Variants in TEX14 observed in about 807,000 individuals in gnomAD.
TEX14 encodes inactive serine/threonine-protein kinase TEX14.
TEX14 carries 168 observed loss-of-function variants against 178.6 expected under a neutral mutation model. That is an observed-to-expected ratio of 0.94 (90% CI 0.83 to 1.07). TEX14 has a LOEUF of 1.07. Among genes scored for constraint, TEX14 ranks in the 50% least tolerant of loss-of-function variants. TEX14 has a pLI of 0.00. For synonymous variants in TEX14, 626 were observed against 634.1 expected (o/e 0.99, Z 0.19); for missense variants, 1,730 against 1,753.6 (o/e 0.99, Z 0.24).
chr17:58,606,010 C>G (rs935412769), intron 10 of TEX14, among the ~76,000 whole-genome samples: 2 of 152,206 alleles, frequency 1.3e-5, no homozygotes, highest in African/African-American at 2.4e-5. Context: ...CAACCCCCAT[C>G]TGCTTTATCA....
At chr17:58,632,510 G>C (rs1370600796) in intron 2 of TEX14, among the ~76,000 whole-genome samples, 1 of 152,180 alleles carries the variant, frequency 6.6e-6, no homozygotes, top group South Asian at 2.1e-4. Context: ...GTTTAAACAA[G>C]CAGGACAACA....
chr17:58,647,231 T>G (rs2046730790), intron 2 of TEX14, among the ~76,000 whole-genome samples: 1 of 150,870 alleles, frequency 6.6e-6, no homozygotes, highest in East Asian at 2.0e-4. Context: ...ACAGAAAAAA[T>G]GGATTCTGCA....
chr17:58,563,760 T>C (rs1032037793), intron 28 of TEX14, among the ~76,000 whole-genome samples: 1 of 145,640 alleles, frequency 6.9e-6, no homozygotes, highest in African/African-American at 2.5e-5. Context: ...TATGTATACA[T>C]ATATATAGAT....
intron 19 of TEX14, among the ~76,000 whole-genome samples, chr17:58,583,331 A>G (rs1355972432): frequency 1.3e-5 from 2 of 151,966 alleles, no homozygotes; most frequent in Non-Finnish European, 2.9e-5. Context: ...GGGTCTTGCC[A>G]TGTTGCCAAG....
chr17:58,601,855 T>A lies in TEX14; in HGVS notation c.1629A>T (p.Glu543Asp). The A allele has an allele frequency of 6.2e-7, 1 of 1,613,444 alleles. No individual in the cohort carries two copies. The highest frequency in any genetic ancestry group is 1.7e-5 in the Admixed American group (1 of 60,022). ...CCATGTCAGGTGTCTCTCTGGGGTG[T>A]TCTGAAGTCAGTCCTAGATAGACAT... ...DVNVYLGLTS[E>D]HPRETPDMEI... is the part of the protein sequence containing the mutation. Residue 543 changes from glutamate (E) to aspartate (D), a missense_variant, in exon 13 of 32, where the codon GAA (glutamate) becomes GAT (aspartate). Physicochemically the swap from Glu to Asp is conservative, Grantham distance 45. Transcript: ENST00000349033.
At chr17:58,628,676 C>T (rs2046207494) in intron 3 of TEX14, among the ~76,000 whole-genome samples, 2 of 151,026 alleles carry the variant, frequency 1.3e-5, no homozygotes, top group African/African-American at 2.4e-5. Flanking sequence ...TGCGCCACTG[C>T]ACTCCAGCCT....
intron 1 of TEX14, among the ~76,000 whole-genome samples, chr17:58,681,313 TGA>T (rs2030315533): frequency 1.3e-5 from 2 of 152,048 alleles, no homozygotes; most frequent in African/African-American, 4.8e-5. Flanking sequence ...AAGCAACAAC[TGA>T]GAACATAGAG....
intron 1 of TEX14, among the ~76,000 whole-genome samples, chr17:58,654,281 C>T (rs1038677301): frequency 6.6e-6 from 1 of 151,774 alleles, no homozygotes; most frequent in African/African-American, 2.4e-5. Flanking sequence ...TTTCTCAGGC[C>T]CTAAAGTCTG....
At chr17:58,604,321 A>G (rs2045552743) in intron 11 of TEX14, among the ~76,000 whole-genome samples, 1 of 150,480 alleles carries the variant, frequency 6.6e-6, no homozygotes, top group Admixed American at 6.6e-5. Flanking sequence ...AAATGCAAAA[A>G]TCAGTTGGGC....
rs149671021 is a variant in TEX14, at chr17:58,646,913, T to G, written c.136+4953A>C. Among the ~76,000 whole-genome samples the G allele has an allele frequency of 9.0e-3, 1,365 of 152,054 alleles. 15 individuals carry two copies. The highest frequency in any genetic ancestry group is 0.014 in the Non-Finnish European group (925 of 67,980). On this transcript the variant is annotated intron_variant, in intron 2 of 31. Coordinates refer to ENST00000349033, the MANE Select transcript of TEX14 (RefSeq NM_031272.5). ...ACTTTCCCCTCAAGCACACTCTTTT[T>G]TTTTTTTTTTAGACAGAGTTTCGCT...
intron 1 of TEX14, among the ~76,000 whole-genome samples, chr17:58,683,620 A>G (rs1284564347): frequency 6.8e-6 from 1 of 147,254 alleles, no homozygotes; most frequent in Non-Finnish European, 1.5e-5. Flanking sequence ...AAAATTAGCC[A>G]GGCATAGTGG....
At chr17:58,574,501 C>T (rs1204142203) in intron 21 of TEX14, among the ~76,000 whole-genome samples, 1 of 151,902 alleles carries the variant, frequency 6.6e-6, no homozygotes, top group African/African-American at 2.4e-5. Flanking sequence ...CATGGTGAAA[C>T]CCCGTCTCTA....
At chr17:58,637,478 G>T (rs532747078) in intron 2 of TEX14, among the ~76,000 whole-genome samples, 16 of 152,272 alleles carry the variant, frequency 1.1e-4, no homozygotes, top group African/African-American at 3.8e-4. Flanking sequence ...GAGGGGAGAG[G>T]GGCTGAAGGT....
At chr17:58,603,203 C>T (rs906304853) in intron 11 of TEX14, among the ~76,000 whole-genome samples, 2 of 151,634 alleles carry the variant, frequency 1.3e-5, no homozygotes, top group Admixed American at 1.3e-4. Flanking sequence ...GGCAGGGGAG[C>T]CCAATATTCA....
intron 5 of TEX14, among the ~76,000 whole-genome samples, chr17:58,619,426 C>T (rs1336499210): frequency 6.6e-6 from 1 of 152,200 alleles, no homozygotes; most frequent in Non-Finnish European, 1.5e-5. Flanking sequence ...TGTGCAAACA[C>T]ACGTGTGAGG....
In TEX14 at chr17:58,585,874, C is replaced by T; in HGVS notation, c.2997G>A (p.Lys999=). Residue 999 remains lysine (K), a synonymous_variant, in exon 18 of 32, where the codon AAG becomes AAA. Transcript: ENST00000349033. The stretch of plus-strand genomic sequence containing the variant: ...AGTCATTGTTGCCCGTCTTGTCAAA[C>T]TTGCCATTTCCTCTGGGCTCATCAT... ...RENDEPRGNG[K]FDKTGNNDCD... is the part of the protein sequence containing the mutation. The T allele has an allele frequency of 6.2e-7, 1 of 1,614,086 alleles. No individual in the cohort carries two copies. Among genetic ancestry groups the T allele is most frequent in the Non-Finnish European group, 8.5e-7 (1 of 1,180,018 alleles).
At chr17:58,634,221 T>C (rs2046384228) in intron 2 of TEX14, among the ~76,000 whole-genome samples, 1 of 151,796 alleles carries the variant, frequency 6.6e-6, no homozygotes, top group East Asian at 2.0e-4. Flanking sequence ...AAGACCAGCT[T>C]GGCCAACATG....
chr17:58,661,109 T>A (rs546901301), intron 1 of TEX14: 2 of 926,790 alleles, frequency 2.2e-6, no homozygotes, highest in Non-Finnish European at 3.6e-6. Flanking sequence ...CTTCTGCTTG[T>A]ATCGCTCTAT....
Position 58,617,529 on chromosome 17 carries a change from A to G in TEX14, c.636+9T>C, listed in dbSNP as rs1424595490. 5 of 1,610,372 alleles carry G rather than the reference A, an allele frequency of 3.1e-6. No homozygotes were observed. The highest frequency in any genetic ancestry group is 1.3e-5 in the African/African-American group (1 of 74,790). ...CTGCAAACACTGGCTGTCAGTGGCAACCTCTTACCTTCCCAAAACCAAAGC... is the reference window on the plus strand; with the variant it reads ...CTGCAAACACTGGCTGTCAGTGGCAGCCTCTTACCTTCCCAAAACCAAAGC... On this transcript the variant is annotated intron_variant, in intron 6 of 31. Transcript: ENST00000349033.
Sources: allele counts gnomAD v4.1 joint callset (sites outside exome capture counted in the v4.1 genomes callset), GRCh38; gene constraint gnomAD v4.1.1; transcripts MANE v1.5; gene names NCBI Gene and HGNC (gene_info 2026-07-23, HGNC 2026-07-21).